The following RBFOX1 variants were observed in gnomAD, a reference collection of about 807,000 sequenced individuals.
RBFOX1 encodes RNA binding protein fox-1 homolog 1.
Under a neutral mutation model 57.7 loss-of-function variants are expected in RBFOX1, and 8 were observed. That is an observed-to-expected ratio of 0.14 (90% CI 0.08 to 0.25). RBFOX1 has a LOEUF of 0.25. RBFOX1 is among the 10% of genes least tolerant of loss of function. The probability of loss-of-function intolerance (pLI) is 1.00; values close to 1 mark genes in which losing one functional copy is unlikely to be tolerated. For missense variants in RBFOX1, 611 were observed against 548.5 expected (o/e 1.11, Z -1.14); for synonymous variants, 326 against 222.4 (o/e 1.47, Z -4.15).
chr16:6,817,341 C>G (rs187517597), intron 3 of RBFOX1, among the ~76,000 whole-genome samples: 12 of 152,136 alleles, frequency 7.9e-5, no homozygotes, highest in African/African-American at 2.7e-4. Context: ...CCCTGCTTAC[C>G]TGTTAGCTGC....
At chr16:5,673,233 G>A (rs759991755) in intron 3 of RBFOX1, among the ~76,000 whole-genome samples, 20 of 152,048 alleles carry the variant, frequency 1.3e-4, no homozygotes, top group Non-Finnish European at 2.6e-4. Flanking sequence ...CAGAGAAGGG[G>A]CAAGGACGGA....
intron 2 of RBFOX1, among the ~76,000 whole-genome samples, chr16:5,502,288 G>T (rs983062211): frequency 1.3e-5 from 2 of 152,166 alleles, no homozygotes; most frequent in Admixed American, 6.5e-5. Flanking sequence ...GAAATGGAGA[G>T]ATGGTCCTCC....
At chr16:5,512,206 G>C (rs1435355802) in intron 2 of RBFOX1, among the ~76,000 whole-genome samples, 1 of 152,144 alleles carries the variant, frequency 6.6e-6, no homozygotes, top group Non-Finnish European at 1.5e-5. Flanking sequence ...AGCACAGCTG[G>C]GTGAGAGGCA....
intron 2 of RBFOX1, among the ~76,000 whole-genome samples, chr16:6,608,942 T>A (rs2097992737): frequency 2.6e-5 from 4 of 152,282 alleles, no homozygotes; most frequent in Admixed American, 2.6e-4. Flanking sequence ...CTCTGCTCCC[T>A]TGGGTCACAG....
At chr16:7,203,118 G>T (rs1331318168) in intron 4 of RBFOX1, among the ~76,000 whole-genome samples, 1 of 152,138 alleles carries the variant, frequency 6.6e-6, no homozygotes, top group Non-Finnish European at 1.5e-5. Flanking sequence ...ATTCATAACA[G>T]CTAAAATATG....
chr16:7,071,900 C>G (rs919995798), intron 4 of RBFOX1, among the ~76,000 whole-genome samples: 1 of 152,112 alleles, frequency 6.6e-6, no homozygotes, highest in African/African-American at 2.4e-5. Flanking sequence ...AGACCAGAAG[C>G]TCAGCTGTTG....
At chr16:6,115,410 T>G (rs2096487453) in intron 1 of RBFOX1, among the ~76,000 whole-genome samples, 1 of 140,558 alleles carries the variant, frequency 7.1e-6, no homozygotes, top group Non-Finnish European at 1.5e-5. Flanking sequence ...GATAATTTTA[T>G]AAAATAAAGT....
At chr16:7,679,362 T>C (rs889902574) in intron 14 of RBFOX1, among the ~76,000 whole-genome samples, 3 of 152,190 alleles carry the variant, frequency 2.0e-5, no homozygotes, top group African/African-American at 7.2e-5. Flanking sequence ...ATAGAATCAG[T>C]AAGTGATGGA....
chr16:6,756,214 A>T (rs1446439166), intron 3 of RBFOX1, among the ~76,000 whole-genome samples: 1 of 152,182 alleles, frequency 6.6e-6, no homozygotes, highest in Non-Finnish European at 1.5e-5. Context: ...AATTATATGG[A>T]TTGGGGAAAG....
intron 4 of RBFOX1, among the ~76,000 whole-genome samples, chr16:7,462,540 C>G (rs1020072661): frequency 3.3e-5 from 5 of 152,214 alleles, no homozygotes; most frequent in African/African-American, 4.8e-5. Context: ...TATCTCACAG[C>G]TCTGTGGGTT....
chr16:5,631,414 G>A (rs1057234218), intron 3 of RBFOX1, among the ~76,000 whole-genome samples: 1 of 152,058 alleles, frequency 6.6e-6, no homozygotes, highest in East Asian at 1.9e-4. Context: ...AAAATTAGCC[G>A]GGTATGGTGG....
intron 3 of RBFOX1, among the ~76,000 whole-genome samples, chr16:6,834,932 G>C (rs1479345722): frequency 7.6e-6 from 1 of 131,490 alleles, no homozygotes; most frequent in Non-Finnish European, 1.6e-5. Context: ...TCGCTCTGTT[G>C]CCCAGGCTGG....
intron 3 of RBFOX1, among the ~76,000 whole-genome samples, chr16:5,651,542 G>T (rs1596592769): frequency 1.3e-5 from 2 of 152,126 alleles, no homozygotes; most frequent in African/African-American, 2.4e-5. Context: ...CCCTCCCAGG[G>T]TTGTCAGGAG....
chr16:7,586,285 G>C (rs746586065), intron 6 of RBFOX1, among the ~76,000 whole-genome samples: 1 of 152,146 alleles, frequency 6.6e-6, no homozygotes, highest in Non-Finnish European at 1.5e-5. Flanking sequence ...AATACTTCAT[G>C]TGATCTCAGA....
intron 1 of RBFOX1, among the ~76,000 whole-genome samples, chr16:6,102,447 A>T (rs75550572): frequency 6.6e-6 from 1 of 152,180 alleles, no homozygotes; most frequent in East Asian, 1.9e-4. Flanking sequence ...ATTTGCAACA[A>T]CATCAATCAT....
chr16:6,167,963 G>A (rs540526775), intron 1 of RBFOX1, among the ~76,000 whole-genome samples: 12 of 152,252 alleles, frequency 7.9e-5, no homozygotes, highest in African/African-American at 2.2e-4. Context: ...CTCCACCCAT[G>A]GCAAAATCCA....
chr16:5,601,918 C>G (rs149992123), downstream of RBFOX1, among the ~76,000 whole-genome samples: 134 of 152,302 alleles, frequency 8.8e-4, no homozygotes, highest in African/African-American at 3.0e-3. Context: ...TTTCCTGGCC[C>G]CCAACCTCAC....
At chr16:6,759,325 A>G (rs1215495481) in intron 3 of RBFOX1, among the ~76,000 whole-genome samples, 2 of 151,908 alleles carry the variant, frequency 1.3e-5, no homozygotes, top group Non-Finnish European at 2.9e-5. Flanking sequence ...TAATTTTTGT[A>G]TTTTTAGTAG....
At chr16:7,075,304 A>C (rs565147592) in intron 4 of RBFOX1, among the ~76,000 whole-genome samples, 119 of 152,342 alleles carry the variant, frequency 7.8e-4, no homozygotes, top group African/African-American at 2.8e-3. Flanking sequence ...TTTAGTTAAC[A>C]ATTATTTATA....
Sources: allele counts gnomAD v4.1 joint callset (sites outside exome capture counted in the v4.1 genomes callset), GRCh38; gene constraint gnomAD v4.1.1; transcripts MANE v1.5; gene names NCBI Gene and HGNC (gene_info 2026-07-23, HGNC 2026-07-21).